The following SLC11A2 variants were observed in gnomAD, a reference collection of about 807,000 sequenced individuals.
The protein encoded by SLC11A2 is natural resistance-associated macrophage protein 2.
SLC11A2 carries 38 observed loss-of-function variants against 68.0 expected under a neutral mutation model. The observed-to-expected ratio is 0.56, with a 90% CI of 0.43 to 0.73. The LOEUF (loss-of-function observed/expected upper bound fraction) is 0.73. SLC11A2 is among the 30% of genes least tolerant of loss of function. SLC11A2 has a pLI of 0.00. For missense variants in SLC11A2, 517 were observed against 690.5 expected (o/e 0.75, Z 2.82); for synonymous variants, 242 against 250.6 (o/e 0.97, Z 0.32).
In SLC11A2 at chr12:51,012,328, G is replaced by A. The variant is rs988847748; in HGVS notation, c.-38-1562C>T. Among the ~76,000 whole-genome samples the A allele has an allele frequency of 2.0e-5, 3 of 148,332 alleles. No homozygotes were observed. The South Asian group carries it at 6.7e-4, about 33-fold the overall frequency. On this transcript the variant is annotated intron_variant, in intron 1 of 15. Coordinates refer to ENST00000262052, the MANE Select transcript of SLC11A2 (RefSeq NM_000617.3). ...ACAGATCTATGGCATATTCTCCATT[G>A]AGCCTTACCAATAAGGCTATTAAAA...
chr12:50,967,907 C>T, the SLC11A2 span, among the ~76,000 whole-genome samples: 13 of 152,142 alleles, frequency 8.5e-5, no homozygotes, highest in Admixed American at 7.2e-4. Context: ...GGCAACATGG[C>T]GAATACCCTA....
chr12:50,977,661 T>C (rs1218230550), downstream of SLC11A2, among the ~76,000 whole-genome samples: 2 of 152,030 alleles, frequency 1.3e-5, no homozygotes, highest in East Asian at 1.9e-4. Context: ...CTAATTAAAC[T>C]AAAGAGCTTC....
the SLC11A2 span, among the ~76,000 whole-genome samples, chr12:50,967,559 A>G: frequency 6.6e-6 from 1 of 152,130 alleles, no homozygotes; most frequent in African/African-American, 2.4e-5. Flanking sequence ...GACAGGTATA[A>G]GCCACCATGC....
intron 2 of SLC11A2, among the ~76,000 whole-genome samples, chr12:51,010,203 A>C (rs1294800441): frequency 2.8e-4 from 18 of 64,298 alleles, no homozygotes; most frequent in East Asian, 8.5e-4. Context: ...AAAAAACCAA[A>C]CAAACAAACA....
At chr12:51,000,027 A>G (rs1184642155) in intron 6 of SLC11A2, among the ~76,000 whole-genome samples, 3 of 152,078 alleles carry the variant, frequency 2.0e-5, no homozygotes, top group African/African-American at 7.2e-5. Flanking sequence ...AATAAATAAA[A>G]TAAAATAAAA....
chr12:50,984,058 G>A (rs917026360), downstream of SLC11A2, among the ~76,000 whole-genome samples: 3 of 151,686 alleles, frequency 2.0e-5, no homozygotes, highest in Non-Finnish European at 4.4e-5. Context: ...GAACCTGGGA[G>A]GCAGAGGTGG....
intron 1 of SLC11A2, among the ~76,000 whole-genome samples, chr12:51,015,057 C>T (rs545073291): frequency 2.7e-5 from 4 of 150,146 alleles, no homozygotes; most frequent in East Asian, 2.0e-4. Context: ...CTACTCGGAA[C>T]GCTAAAGCGG....
At chr12:51,008,454 C>T (rs1300549786) in intron 3 of SLC11A2, 22 bp downstream of exon 3, 13 of 1,606,316 alleles carry the variant, frequency 8.1e-6, no homozygotes, top group Non-Finnish European at 1.0e-5. Flanking sequence ...ATAGTGTTCT[C>T]CTCCAAGGAC....
rs555972389 is a variant in SLC11A2 at position 51,002,269 on chromosome 12, G to A, written c.430-1850C>T. Among the ~76,000 whole-genome samples, 21 of 152,232 alleles carry A rather than the reference G, an allele frequency of 1.4e-4. 1 individual carries two copies. In the South Asian group the frequency reaches 2.3e-3, roughly 17 times the overall value. On this transcript the variant is annotated intron_variant, in intron 5 of 15. Transcript: ENST00000262052. ...AGACAGAGGTAGGAAGGCTGCTTGC[G>A]CCTGGGAGGTCAAGGGTATAGTGAG...
chr12:50,981,844 CG>C (rs1412294877), downstream of SLC11A2: 7 of 1,200,696 alleles, frequency 5.8e-6, no homozygotes, highest in African/African-American at 1.5e-5. Flanking sequence ...CTGATTTTCA[CG>C]TATTTATTGA....
the SLC11A2 span, among the ~76,000 whole-genome samples, chr12:50,969,005 C>T: frequency 5.7e-4 from 86 of 152,118 alleles, no homozygotes; most frequent in South Asian, 2.5e-3. Flanking sequence ...TAAATAAATG[C>T]ACAGTTTAGC....
intron 1 of SLC11A2, among the ~76,000 whole-genome samples, chr12:51,011,519 A>C (rs538059602): frequency 1.3e-5 from 2 of 151,194 alleles, no homozygotes; most frequent in Admixed American, 1.3e-4. Flanking sequence ...CAAGTGTCTA[A>C]AGCCAGACAC....
chr12:50,982,876 G>C (rs1940170367), downstream of SLC11A2, among the ~76,000 whole-genome samples: 2 of 151,312 alleles, frequency 1.3e-5, no homozygotes, highest in South Asian at 4.2e-4. Context: ...AGGAGGCAGA[G>C]GCTGCAGTGA....
rs1566020304 is a variant in SLC11A2 at position 51,008,249 on chromosome 12, GATAGATAGATA to G, written c.183+216_183+226del. On this transcript the variant is annotated intron_variant, in intron 3 of 15. Transcript: ENST00000262052. ...AGATAGATAGATAGATAGATAGATA[GATAGATAGATA>G]GACGGACAGACAGACAGACAGAGAT... is the stretch of plus-strand genomic sequence containing the variant. 859 of 296,192 alleles carry G rather than the reference GATAGATAGATA, an allele frequency of 2.9e-3. 6 individuals carry two copies. Among genetic ancestry groups the G allele is most frequent in the African/African-American group, 7.8e-3 (296 of 37,732 alleles). 18.3% of individuals were successfully genotyped at this position (296,192 alleles called of 1,614,324 possible).
At chr12:50,989,150 A>G (rs1206458222) in intron 15 of SLC11A2, among the ~76,000 whole-genome samples, 1 of 152,152 alleles carries the variant, frequency 6.6e-6, no homozygotes, top group African/African-American at 2.4e-5. Context: ...CCTGTTTTGA[A>G]GTTAAACAAC....
In SLC11A2 at chr12:50,987,044, TAA is replaced by T; in HGVS notation, c.*1279_*1280del. 5 of 1,286,662 alleles carry T rather than the reference TAA, an allele frequency of 3.9e-6. No individual in the cohort carries two copies. Among genetic ancestry groups the T allele is most frequent in the Non-Finnish European group, 5.1e-6 (5 of 988,454 alleles). The allele number at this position is 1,286,662 out of a possible 1,614,324, so 79.7% of individuals were successfully genotyped here. On this transcript the variant is annotated 3_prime_UTR_variant, in exon 16 of 16. Coordinates refer to ENST00000262052, the MANE Select transcript of SLC11A2 (RefSeq NM_000617.3). The stretch of plus-strand genomic sequence containing the variant: ...TCCATCAAAGTGATTTGATTTGAGA[TAA>T]TCACACAATCTCAGGCTCGGTATGT...
intron 1 of SLC11A2, among the ~76,000 whole-genome samples, chr12:51,013,014 T>C (rs1038576738): frequency 2.0e-5 from 3 of 152,202 alleles, no homozygotes; most frequent in Non-Finnish European, 2.9e-5. Context: ...TTACATATAA[T>C]TGTAACAAAC....
chr12:50,995,858 T>G, intron 9 of SLC11A2, 71 bp from the exon 10 acceptor site: 8 of 1,478,756 alleles, frequency 5.4e-6, no homozygotes, highest in Non-Finnish European at 6.6e-6. Context: ...TTCAGGAGTT[T>G]GGAGTCAGCT....
At chr12:50,999,825 T>C (rs1269678923) in intron 6 of SLC11A2, among the ~76,000 whole-genome samples, 1 of 151,926 alleles carries the variant, frequency 6.6e-6, no homozygotes, top group Non-Finnish European at 1.5e-5. Flanking sequence ...CTGGCCAACA[T>C]GGTGAAATCC....
Sources: allele counts gnomAD v4.1 joint callset (sites outside exome capture counted in the v4.1 genomes callset), GRCh38; gene constraint gnomAD v4.1.1; transcripts MANE v1.5; gene names NCBI Gene and HGNC (gene_info 2026-07-23, HGNC 2026-07-21).